The following CHST4 variants were observed in gnomAD, a reference collection of about 807,000 sequenced individuals.
CHST4 encodes the protein GST-3.
For missense variants in CHST4, 466 were observed against 506.0 expected (o/e 0.92, Z 0.76); for synonymous variants, 171 against 195.5 (o/e 0.87, Z 1.05).
At chr16:71,532,739 G>T (rs1182448103) in intron 1 of CHST4, among the ~76,000 whole-genome samples, 2 of 152,146 alleles carry the variant, frequency 1.3e-5, no homozygotes, top group African/African-American at 2.4e-5. Flanking sequence ...AATAGTTTCT[G>T]ATCAGTATGA....
In CHST4 at chr16:71,537,125, G is replaced by A. The variant is rs752955202; in HGVS notation, c.448G>A (p.Ala150Thr). 1 of 1,614,156 alleles carries A rather than the reference G, an allele frequency of 6.2e-7. No homozygotes were observed. Among genetic ancestry groups the A allele is most frequent in the Non-Finnish European group, 8.5e-7 (1 of 1,180,032 alleles). The change falls in exon 2 of 2, where the codon GCT (alanine) becomes ACT (threonine). Residue 150 changes from alanine to threonine, a missense_variant. Transcript: ENST00000539698. This position sits in a 1 kb window ranked among gnomAD's most constrained non-coding sequence, Gnocchi z 4.2. ...IIPQDEIIPR[A>T]HCRLLCSQQP... ...CCCACAAGATGAAATCATCCCCCGG[G>A]CTCACTGCAGGCTCCTGTGCAGTCA...
Position 71,536,706 on chromosome 16 carries a change from T to C in CHST4, c.29T>C (p.Leu10Pro). The C allele has an allele frequency of 6.7e-7, 1 of 1,496,264 alleles. No individual in the cohort carries two copies. The highest frequency in any genetic ancestry group is 8.9e-7 in the Non-Finnish European group (1 of 1,124,418). The allele number at this position is 1,496,264 out of a possible 1,614,324, so 92.7% of individuals were successfully genotyped here. Reference sequence around the variant, plus strand: ...CTACTGCCTAAAAAAATGAAGCTCCTGCTGTTTCTGGTTTCCCAGATGGCC... The same window carrying C: ...CTACTGCCTAAAAAAATGAAGCTCCCGCTGTTTCTGGTTTCCCAGATGGCC... MLLPKKMKLLLFLVSQMAIL... is the reference protein window; with the variant it reads MLLPKKMKLPLFLVSQMAIL... Residue 10 changes from leucine (L) to proline (P), a missense_variant, in exon 2 of 2, where the codon CTG becomes CCG. Transcript: ENST00000539698.
At chr16:71,529,100 G>GT (rs1597034343) in intron 1 of CHST4, among the ~76,000 whole-genome samples, 6 of 145,386 alleles carry the variant, frequency 4.1e-5, no homozygotes, top group African/African-American at 1.5e-4. Context: ...TTTTGTTTTT[G>GT]TTTTTTGTTT....
chr16:71,528,432 C>A (rs1229508183), intron 1 of CHST4, among the ~76,000 whole-genome samples: 2 of 152,060 alleles, frequency 1.3e-5, no homozygotes, highest in Admixed American at 1.3e-4. Context: ...AAAGATGTTC[C>A]TTGAGCACCT....
chr16:71,528,768 T>A (rs773209111), intron 1 of CHST4, among the ~76,000 whole-genome samples: 1 of 152,250 alleles, frequency 6.6e-6, no homozygotes, highest in African/African-American at 2.4e-5. Flanking sequence ...ATCTGGTTTT[T>A]TTCCCCCTCA....
Position 71,537,155 on chromosome 16 carries a change from C to A in CHST4, c.478C>A (p.Pro160Thr), listed in dbSNP as rs764455073. Residue 160 changes from proline (P) to threonine (T), a missense_variant, in exon 2 of 2, where the codon CCC (proline) becomes ACC (threonine). Physicochemically the swap from Pro to Thr is conservative, Grantham distance 38. Coordinates refer to ENST00000539698, the MANE Select transcript of CHST4 (RefSeq NM_001166395.2). This position sits in a 1 kb window ranked among gnomAD's most constrained non-coding sequence, Gnocchi z 4.2. ...AHCRLLCSQQ[P>T]FEVVEKACRS... is the part of the protein sequence containing the mutation. ...CTGCAGGCTCCTGTGCAGTCAACAG[C>A]CCTTTGAGGTGGTGGAGAAGGCCTG... 59 of 1,614,116 alleles carry A rather than the reference C, an allele frequency of 3.7e-5. No individual in the cohort carries two copies. The highest frequency in any genetic ancestry group is 8.3e-5 in the Admixed American group (5 of 60,008).
At chr16:71,534,676 C>A (rs868267312) in intron 1 of CHST4, among the ~76,000 whole-genome samples, 2 of 151,946 alleles carry the variant, frequency 1.3e-5, no homozygotes, top group Non-Finnish European at 2.9e-5. Context: ...CATTTCAAGA[C>A]CTTGTCTCTG....
At chr16:71,526,561 G>A (rs954495891) in intron 1 of CHST4, 66 bp downstream of exon 1, 1 of 152,236 alleles carries the variant, frequency 6.6e-6, no homozygotes, top group South Asian at 2.1e-4. Context: ...TGGAGCAAGA[G>A]TATCAGATAA....
At chr16:71,534,252 G>A (rs908328634) in intron 1 of CHST4, among the ~76,000 whole-genome samples, 2 of 151,710 alleles carry the variant, frequency 1.3e-5, no homozygotes, top group Non-Finnish European at 2.9e-5. Flanking sequence ...GGCTGAGCAC[G>A]GTGGCTCATG....
rs755954679 is a variant in CHST4, at chr16:71,537,612, G to A, written c.935G>A (p.Gly312Asp). The A allele has an allele frequency of 1.9e-6, 3 of 1,614,128 alleles. No homozygotes were observed. The highest frequency in any genetic ancestry group is 2.5e-6 in the Non-Finnish European group (3 of 1,180,040). ...ACCTGGGTGCATAACATCACCCGAG[G>A]CAAGGGCATGGGTGACCACGCTTTC... ...LQTWVHNITR[G>D]KGMGDHAFHT... Residue 312 changes from glycine to aspartate, a missense_variant, in exon 2 of 2, where the codon GGC (glycine) becomes GAC (aspartate). Transcript: ENST00000539698. This position sits in a 1 kb window ranked among gnomAD's most constrained non-coding sequence, Gnocchi z 4.2.
Position 71,537,216 on chromosome 16 carries a change from G to A in CHST4, c.539G>A (p.Arg180His), listed in dbSNP as rs368819559. 20 of 1,614,034 alleles carry A rather than the reference G, an allele frequency of 1.2e-5. No individual in the cohort carries two copies. Among genetic ancestry groups the A allele is most frequent in the East Asian group, 2.2e-5 (1 of 44,886 alleles). The change falls in exon 2 of 2, where the codon CGC (arginine) becomes CAC (histidine). Residue 180 changes from arginine to histidine, a missense_variant. Physicochemically the swap from Arg to His is conservative, Grantham distance 29 (BLOSUM62 0). Transcript: ENST00000539698. This position sits in a 1 kb window ranked among gnomAD's most constrained non-coding sequence, Gnocchi z 4.2. ...SYSHVVLKEVRFFNLQSLYPL... is the reference protein window; with the variant it reads ...SYSHVVLKEVHFFNLQSLYPL... ...AGCCACGTGGTGCTCAAGGAGGTGC[G>A]CTTCTTCAACCTGCAGTCCCTCTAC...
chr16:71,536,805 T>C lies in CHST4; in HGVS notation c.128T>C (p.Met43Thr), dbSNP rs2043992083. ...SLSMKAQPER[M>T]HVLVLSSWRS... ...TCTATGAAGGCACAGCCCGAGCGCA[T>C]GCACGTGCTGGTTCTGTCTTCCTGG... The change falls in exon 2 of 2, where the codon ATG becomes ACG. Residue 43 changes from methionine (M) to threonine (T), a missense_variant. Met to Thr is a moderately conservative substitution (Grantham distance 81, BLOSUM62 -1). Transcript: ENST00000539698. The C allele has an allele frequency of 2.0e-6, 3 of 1,529,666 alleles. No homozygotes were observed. The highest frequency in any genetic ancestry group is 1.3e-5 in the South Asian group (1 of 76,482). 94.8% of individuals were successfully genotyped at this position (1,529,666 alleles called of 1,614,324 possible).
At position 71,537,201 on chromosome 16, in the gene CHST4, T is replaced by A; in HGVS notation, c.524T>A (p.Val175Glu). 6.2e-7 allele frequency: 1 copy of A among 1,614,172 alleles called. No individual in the cohort carries two copies. The highest frequency in any genetic ancestry group is 8.5e-7 in the Non-Finnish European group (1 of 1,180,022). ...GCCTGCCGCTCCTACAGCCACGTGGTGCTCAAGGAGGTGCGCTTCTTCAAC... is the reference window on the plus strand; with the variant it reads ...GCCTGCCGCTCCTACAGCCACGTGGAGCTCAAGGAGGTGCGCTTCTTCAAC... ...EKACRSYSHV[V>E]LKEVRFFNLQ... Residue 175 changes from valine to glutamate, a missense_variant, in exon 2 of 2, where the codon GTG becomes GAG. Transcript: ENST00000539698. This position sits in a 1 kb window ranked among gnomAD's most constrained non-coding sequence, Gnocchi z 4.2.
intron 1 of CHST4, among the ~76,000 whole-genome samples, chr16:71,529,029 A>G (rs1040337577): frequency 2.7e-5 from 4 of 150,542 alleles, no homozygotes; most frequent in Admixed American, 2.6e-4. Flanking sequence ...TTGGGGCAAC[A>G]TTTTTTTAAA....
At chr16:71,535,392 C>A (rs932580204) in intron 1 of CHST4, among the ~76,000 whole-genome samples, 2 of 152,146 alleles carry the variant, frequency 1.3e-5, no homozygotes, top group African/African-American at 4.8e-5. Flanking sequence ...AGGCTGGTCT[C>A]AAATTCCTGA....
Position 71,536,630 on chromosome 16 carries a change from A to C in CHST4, c.-18-30A>C, listed in dbSNP as rs527970929. ...AAGGCAAACAATAAAACAGCAGCCC[A>C]ACTCCACCCTTTCTGTTTGTTCCTT... On this transcript the variant is annotated intron_variant, in intron 1 of 1. Transcript: ENST00000539698. The C allele has an allele frequency of 9.2e-5, 126 of 1,366,456 alleles. No homozygotes were observed. The African/African-American group carries it at 1.7e-3, about 19-fold the overall frequency. The allele number at this position is 1,366,456 out of a possible 1,614,324, so 84.6% of individuals were successfully genotyped here. A position where few individuals can be genotyped will look rare whatever the true frequency, so the allele number is the denominator to read the frequency against.
chr16:71,538,077 C>A lies in CHST4; in HGVS notation c.*239C>A. 1 of 543,862 alleles carries A rather than the reference C, an allele frequency of 1.8e-6. No homozygotes were observed. Among genetic ancestry groups the A allele is most frequent in the Non-Finnish European group, 3.3e-6 (1 of 301,286 alleles). 33.7% of individuals were successfully genotyped at this position (543,862 alleles called of 1,614,324 possible). A position where few individuals can be genotyped will look rare whatever the true frequency, so the allele number is the denominator to read the frequency against. ...CCCACCAGTGAAACAGGGTATTGCT[C>A]TTCTTCTTTTCTTGATCTTCCTGTC... On this transcript the variant is annotated 3_prime_UTR_variant, in exon 2 of 2. Transcript: ENST00000539698.
At chr16:71,530,259 T>C (rs902052272) in intron 1 of CHST4, among the ~76,000 whole-genome samples, 3 of 152,084 alleles carry the variant, frequency 2.0e-5, no homozygotes, top group African/African-American at 7.2e-5. Flanking sequence ...GTAGCTGTCC[T>C]GCAAAAATCT....
intron 1 of CHST4, among the ~76,000 whole-genome samples, chr16:71,530,839 G>T (rs2043943274): frequency 6.6e-6 from 1 of 152,166 alleles, no homozygotes; most frequent in South Asian, 2.1e-4. Flanking sequence ...CCAGCACTTT[G>T]GGAGGCCGAG....
Sources: gnomAD v4.1 joint callset for allele counts (sites outside exome capture counted in the v4.1 genomes callset) on GRCh38, gnomAD v4.1.1 for gene constraint, Gnocchi (gnomAD v3.1) non-coding constraint, MANE v1.5 for transcripts, NCBI Gene and HGNC (gene_info 2026-07-23, HGNC 2026-07-21) for gene names.